Variants in DDX4 observed in about 807,000 individuals in gnomAD.
DDX4 encodes the protein DEAD-box helicase 4.
DDX4 carries 25 observed loss-of-function variants against 100.0 expected under a neutral mutation model. That is an observed-to-expected ratio of 0.25 (90% CI 0.18 to 0.35). The LOEUF (loss-of-function observed/expected upper bound fraction) is 0.35. Ranked by LOEUF, DDX4 falls within the 10% of genes least tolerant of loss-of-function variation. DDX4 has a pLI of 1.00. For synonymous variants in DDX4, 259 were observed against 275.7 expected (o/e 0.94, Z 0.60); for missense variants, 635 against 882.4 (o/e 0.72, Z 3.55).
chr5:55,814,006 TA>T (rs1358017007), intron 19 of DDX4, among the ~76,000 whole-genome samples: 1 of 152,174 alleles, frequency 6.6e-6, no homozygotes, highest in African/African-American at 2.4e-5. Flanking sequence ...GTGGGTAAGA[TA>T]AAGGTCTGCC....
At chr5:55,740,662 C>T (rs556801792) in intron 2 of DDX4, among the ~76,000 whole-genome samples, 31 of 141,114 alleles carry the variant, frequency 2.2e-4, no homozygotes, top group Non-Finnish European at 4.2e-4. Context: ...TGTGCCACCA[C>T]GCCCCGCTAA....
Position 55,815,060 on chromosome 5 carries a change from T to C in DDX4, c.1875T>C (p.Val625=). The change falls in exon 20 of 22, where the codon GTT becomes GTC. Residue 625 remains valine (V), a synonymous_variant. Transcript: ENST00000505374. ...FDLPSTIDEY[V]HRIGRTGRCG... is the part of the protein sequence containing the mutation. ...TTCCTTCTACCATTGATGAATATGT[T>C]CATCGAATTGGGCGTACTGGTCGTT... The C allele has an allele frequency of 6.2e-7, 1 of 1,614,220 alleles. No homozygotes were observed. Among genetic ancestry groups the C allele is most frequent in the Non-Finnish European group, 8.5e-7 (1 of 1,180,022 alleles).
intron 21 of DDX4, 32 bp from the exon 22 acceptor site, chr5:55,816,431 T>C (rs62361925): frequency 6.5e-7 from 1 of 1,547,002 alleles, no homozygotes; most frequent in South Asian, 1.2e-5. Flanking sequence ...TGTTTGTTTG[T>C]TTCTTTTTTT....
Position 55,779,970 on chromosome 5 carries a change from G to A in DDX4, c.401G>A (p.Arg134Gln), listed in dbSNP as rs1308365474. Reference protein sequence around the residue: ...NRGFSKRGGYRDGNNSEASGP... With the variant: ...NRGFSKRGGYQDGNNSEASGP... ...GTGTGTTTTAACATTATAGGCTATCGAGATGGAAATAATTCAGAAGCTTCA... is the reference window on the plus strand; with the variant it reads ...GTGTGTTTTAACATTATAGGCTATCAAGATGGAAATAATTCAGAAGCTTCA... The change falls in exon 8 of 22, where the codon CGA becomes CAA. Residue 134 changes from arginine to glutamine, a missense_variant. Coordinates refer to ENST00000505374, the MANE Select transcript of DDX4 (RefSeq NM_024415.3). 5.0e-6 allele frequency: 8 copies of A among 1,613,250 alleles called. No homozygotes were observed. Among genetic ancestry groups the A allele is most frequent in the African/African-American group, 1.3e-5 (1 of 74,854 alleles).
At chr5:55,742,223 A>T (rs1759016252) in intron 2 of DDX4, 1 of 456,148 alleles carries the variant, frequency 2.2e-6, no homozygotes, top group African/African-American at 2.0e-5. Flanking sequence ...CTGCAGGCTT[A>T]TTGGGGTGAG....
chr5:55,738,523 C>A (rs140047498), intron 1 of DDX4, among the ~76,000 whole-genome samples: 1 of 152,018 alleles, frequency 6.6e-6, no homozygotes, highest in Non-Finnish European at 1.5e-5. Flanking sequence ...ACGCACGCCA[C>A]AAACACCCCA....
At chr5:55,800,781 A>G (rs972032877) in intron 18 of DDX4, among the ~76,000 whole-genome samples, 2 of 152,154 alleles carry the variant, frequency 1.3e-5, no homozygotes, top group African/African-American at 4.8e-5. Flanking sequence ...AAGCTGTGAA[A>G]TATTTTTTTT....
At chr5:55,759,325 T>C (rs943797538) in intron 3 of DDX4, among the ~76,000 whole-genome samples, 11 of 152,154 alleles carry the variant, frequency 7.2e-5, no homozygotes, top group South Asian at 2.1e-4. Flanking sequence ...TAATTTGAAG[T>C]ATTTTTAAAC....
chr5:55,796,192 T>C (rs980009748), intron 17 of DDX4, among the ~76,000 whole-genome samples: 2 of 152,190 alleles, frequency 1.3e-5, no homozygotes, highest in Non-Finnish European at 2.9e-5. Flanking sequence ...TCCACCCACA[T>C]TGAGGGTGGG....
intron 17 of DDX4, among the ~76,000 whole-genome samples, chr5:55,795,507 T>C (rs1269534216): frequency 1.3e-5 from 2 of 152,232 alleles, no homozygotes; most frequent in South Asian, 2.1e-4. Context: ...CAGTAGCTCA[T>C]GCCTATAATC....
At chr5:55,814,783 C>T in intron 19 of DDX4, 118 bp from the exon 20 acceptor site, 5 of 1,188,674 alleles carry the variant, frequency 4.2e-6, no homozygotes, top group Non-Finnish European at 4.7e-6. Context: ...AGCCACTGCG[C>T]CCAGCCAAAT....
intron 5 of DDX4, among the ~76,000 whole-genome samples, chr5:55,763,563 A>C (rs949354009): frequency 6.6e-5 from 10 of 152,146 alleles, no homozygotes; most frequent in Admixed American, 1.3e-4. Context: ...TTTTTAAAAA[A>C]GAGTAAACAA....
intron 14 of DDX4, among the ~76,000 whole-genome samples, chr5:55,787,260 A>G (rs1233322974): frequency 1.3e-5 from 2 of 152,188 alleles, no homozygotes; most frequent in African/African-American, 4.8e-5. Flanking sequence ...TTGTAGGGAA[A>G]AACAGGTATT....
At chr5:55,812,987 T>A (rs1744202317) in intron 18 of DDX4, among the ~76,000 whole-genome samples, 1 of 152,044 alleles carries the variant, frequency 6.6e-6, no homozygotes, top group South Asian at 2.1e-4. Flanking sequence ...CATTTTTATA[T>A]GCTTTAAAGC....
chr5:55,765,836 G>A (rs1356467445), intron 6 of DDX4, among the ~76,000 whole-genome samples: 1 of 152,070 alleles, frequency 6.6e-6, no homozygotes, highest in African/African-American at 2.4e-5. Flanking sequence ...ACGGAGTCTC[G>A]CACTGTCACC....
Position 55,752,244 on chromosome 5 carries a change from A to T in DDX4, c.127+6023A>T, listed in dbSNP as rs183240232. Among the ~76,000 whole-genome samples, 846 of 151,286 alleles carry T rather than the reference A, an allele frequency of 5.6e-3. 4 individuals are homozygous for T. Among genetic ancestry groups the T allele is most frequent in the Non-Finnish European group, 9.0e-3 (609 of 67,818 alleles). On this transcript the variant is annotated intron_variant, in intron 3 of 21. Coordinates refer to ENST00000505374, the MANE Select transcript of DDX4 (RefSeq NM_024415.3). ...CATGTGCACATTGTGCAGGTTAGTT[A>T]CATATGTATACATGTGCCATGCTGG...
intron 18 of DDX4, among the ~76,000 whole-genome samples, chr5:55,810,906 A>AAAACATTTTAGAAGT (rs1395227851): frequency 6.6e-6 from 1 of 152,200 alleles, no homozygotes; most frequent in Non-Finnish European, 1.5e-5. Context: ...TTGAAGTGAC[A>AAAACATTTTAGAAGT]AAACATTTAG....
chr5:55,774,515 A>C (rs72761928), intron 7 of DDX4, among the ~76,000 whole-genome samples: 1 of 152,082 alleles, frequency 6.6e-6, no homozygotes, highest in South Asian at 2.1e-4. Flanking sequence ...CCTTTGAAAC[A>C]CTAAAATTTA....
intron 6 of DDX4, among the ~76,000 whole-genome samples, chr5:55,764,976 C>G (rs747620567): frequency 1.3e-5 from 2 of 152,094 alleles, no homozygotes; most frequent in East Asian, 3.8e-4. Context: ...AAGCCTAGAC[C>G]TGATCACCTT....
Sources: gnomAD v4.1 joint callset for allele counts (sites outside exome capture counted in the v4.1 genomes callset) on GRCh38, gnomAD v4.1.1 for gene constraint, MANE v1.5 for transcripts, NCBI Gene and HGNC (gene_info 2026-07-23, HGNC 2026-07-21) for gene names.